SHANK2: variants seen among roughly 807,000 people sequenced by gnomAD.
SHANK2 encodes SH3 and multiple ankyrin repeat domains protein 2.
In SHANK2, 43 loss-of-function variants were observed where a neutral mutation model predicts 133.7. That is an observed-to-expected ratio of 0.32 (90% CI 0.25 to 0.41). SHANK2 has a LOEUF of 0.41. SHANK2 is among the 10% of genes least tolerant of loss of function. The pLI, the probability that SHANK2 is intolerant of heterozygous loss-of-function variation, is 1.00. For missense variants in SHANK2, 1,994 were observed against 2,235.8 expected, an observed-to-expected ratio of 0.89 and a Z score of 2.18; for synonymous variants, 1,017 against 952.8, an observed-to-expected ratio of 1.07 and a Z score of -1.24.
chr11:70,691,771 G>C (rs1235996993), intron 15 of SHANK2, among the ~76,000 whole-genome samples: 2 of 152,136 alleles, frequency 1.3e-5, no homozygotes, highest in African/African-American at 2.4e-5. Context: ...GCACATGCCT[G>C]TAATTCCAGC....
chr11:70,723,560 C>G (rs1400027646), intron 14 of SHANK2, among the ~76,000 whole-genome samples: 1 of 152,188 alleles, frequency 6.6e-6, no homozygotes, highest in Admixed American at 6.5e-5. Flanking sequence ...CTGAGTGAAG[C>G]CTTGCAGAAG....
At chr11:70,580,421 T>TC (rs2060168887) in intron 17 of SHANK2, among the ~76,000 whole-genome samples, 1 of 152,194 alleles carries the variant, frequency 6.6e-6, no homozygotes, top group Non-Finnish European at 1.5e-5. Context: ...CGTGCCAGCC[T>TC]CCAGAATGCT....
At chr11:70,562,737 G>A (rs547929275) in intron 17 of SHANK2, among the ~76,000 whole-genome samples, 171 of 152,162 alleles carry the variant, frequency 1.1e-3, no homozygotes, top group Non-Finnish European at 2.0e-3. Context: ...TGTTTATATC[G>A]TCTGCATTTA....
At position 70,486,341 on chromosome 11, in the gene SHANK2, T is replaced by C; in HGVS notation, c.3952A>G (p.Thr1318Ala). The C allele has an allele frequency of 6.2e-7, 1 of 1,613,928 alleles. No homozygotes were observed. Among genetic ancestry groups the C allele is most frequent in the Non-Finnish European group, 8.5e-7 (1 of 1,180,010 alleles). ...TTGTCCAGCTTAGTGGCGTCCACGG[T>C]GTGCACCATCAGCAGGCCAGCCGAC... Reference protein sequence around the residue: ...QKSAGLLMVHTVDATKLDNAL... With the variant: ...QKSAGLLMVHAVDATKLDNAL... Residue 1318 changes from threonine (T) to alanine (A), a missense_variant, in exon 25 of 26, where the codon ACC (threonine) becomes GCC (alanine). Physicochemically the swap from Thr to Ala is moderately conservative, Grantham distance 58. This residue lies in a region of SHANK2 where 797 missense variants were observed against 907.4 expected (regional missense o/e 0.88). Coordinates refer to ENST00000601538, the MANE Select transcript of SHANK2 (RefSeq NM_012309.5). The surrounding 1 kb of genome is among the most constrained non-coding windows in gnomAD (Gnocchi z 8.0).
At chr11:70,861,615 T>G (rs1419216525) in intron 11 of SHANK2, among the ~76,000 whole-genome samples, 2 of 152,228 alleles carry the variant, frequency 1.3e-5, no homozygotes, top group Non-Finnish European at 2.9e-5. Context: ...TGCACTGAGT[T>G]GGCCTCCTCT....
At chr11:70,907,465 C>A (rs1332295638) in intron 10 of SHANK2, among the ~76,000 whole-genome samples, 1 of 152,196 alleles carries the variant, frequency 6.6e-6, no homozygotes, top group Non-Finnish European at 1.5e-5. Context: ...ACAACCTCCC[C>A]CCTTCTCAGG....
At chr11:70,874,814 G>A in intron 11 of SHANK2, among the ~76,000 whole-genome samples, 1 of 151,452 alleles carries the variant, frequency 6.6e-6, no homozygotes, top group Non-Finnish European at 1.5e-5. Context: ...TGTCTTTATA[G>A]TTACTGTGCC....
chr11:70,720,127 G>A (rs1478451665), intron 14 of SHANK2, among the ~76,000 whole-genome samples: 2 of 152,198 alleles, frequency 1.3e-5, no homozygotes, highest in African/African-American at 4.8e-5. Flanking sequence ...CTCCATGAGG[G>A]CAGGGTCCAC....
At chr11:71,208,480 G>A (rs950267244) in intron 2 of SHANK2, among the ~76,000 whole-genome samples, 7 of 152,068 alleles carry the variant, frequency 4.6e-5, no homozygotes, top group African/African-American at 1.7e-4. Context: ...GGGACATTAC[G>A]TTGCCAGGAC....
At chr11:70,950,284 C>G (rs1173516980) in intron 10 of SHANK2, among the ~76,000 whole-genome samples, 2 of 151,746 alleles carry the variant, frequency 1.3e-5, no homozygotes, top group African/African-American at 4.8e-5. Context: ...TCAAGTGATT[C>G]TCCTGCCTCA....
intron 15 of SHANK2, among the ~76,000 whole-genome samples, chr11:70,679,078 C>T (rs531403301): frequency 2.0e-4 from 31 of 152,304 alleles, no homozygotes; most frequent in African/African-American, 5.8e-4. Flanking sequence ...TAACAGGTGA[C>T]GGCACGGGGT....
At chr11:71,111,148 T>A (rs930676976) in intron 5 of SHANK2, among the ~76,000 whole-genome samples, 2 of 152,194 alleles carry the variant, frequency 1.3e-5, no homozygotes, top group Non-Finnish European at 2.9e-5. Context: ...AAAAGCAGCG[T>A]AAATGGCCTC....
In SHANK2 at chr11:71,252,524, C is replaced by A. The variant is rs1948203048; in HGVS notation, c.-212G>T. On this transcript the variant is annotated 5_prime_UTR_variant, in exon 1 of 26. Coordinates refer to ENST00000601538, the MANE Select transcript of SHANK2 (RefSeq NM_012309.5). The surrounding 1 kb of genome is among the most constrained non-coding windows in gnomAD (Gnocchi z 6.3). Reference sequence around the variant, plus strand: ...GGAACCCGAGCGGCGCCGCGCCCAGCCCCGCCGGAGCTCAGGAGCCGCCGC... The same window carrying A: ...GGAACCCGAGCGGCGCCGCGCCCAGACCCGCCGGAGCTCAGGAGCCGCCGC... 1 of 151,054 alleles carries A rather than the reference C, an allele frequency of 6.6e-6. No homozygotes were observed. The allele number at this position is 151,054 out of a possible 1,614,324, so 9.4% of individuals were successfully genotyped here.
intron 11 of SHANK2, among the ~76,000 whole-genome samples, chr11:70,852,210 C>T (rs181393695): frequency 6.6e-6 from 1 of 152,328 alleles, no homozygotes; most frequent in Non-Finnish European, 1.5e-5. Flanking sequence ...CTGCTGTTTC[C>T]AAAGCATTTG....
intron 17 of SHANK2, among the ~76,000 whole-genome samples, chr11:70,503,232 A>C (rs1405887626): frequency 6.6e-6 from 1 of 152,076 alleles, no homozygotes; most frequent in Non-Finnish European, 1.5e-5. Context: ...ATTTCTATTT[A>C]ACCTGAGCAT....
chr11:71,161,457 A>G (rs34041872), intron 2 of SHANK2, among the ~76,000 whole-genome samples: 2 of 152,134 alleles, frequency 1.3e-5, no homozygotes, highest in Non-Finnish European at 2.9e-5. Flanking sequence ...ATCTTTTTAG[A>G]TCTGTTAAGA....
At chr11:70,574,850 A>T (rs1182882833) in intron 17 of SHANK2, among the ~76,000 whole-genome samples, 1 of 152,162 alleles carries the variant, frequency 6.6e-6, no homozygotes, top group Non-Finnish European at 1.5e-5. Flanking sequence ...CAGCCTTACA[A>T]AACTCTGACC....
intron 14 of SHANK2, among the ~76,000 whole-genome samples, chr11:70,709,589 T>C (rs1236967670): frequency 2.6e-5 from 4 of 152,298 alleles, no homozygotes; most frequent in African/African-American, 9.6e-5. Context: ...GGGTAAATGC[T>C]CAGGACAAGC....
chr11:70,502,018 G>A (rs2059061362), intron 19 of SHANK2, 87 bp from the exon 20 acceptor site: 1 of 1,452,714 alleles, frequency 6.9e-7, no homozygotes, highest in Non-Finnish European at 9.5e-7. Context: ...CGCCCCGCGA[G>A]GCTCCGAGGG....
Sources: allele counts gnomAD v4.1 joint callset (sites outside exome capture counted in the v4.1 genomes callset), GRCh38; gene constraint gnomAD v4.1.1; regional missense constraint gnomAD v4.1.1; non-coding constraint Gnocchi (gnomAD v3.1); transcripts MANE v1.5; gene names NCBI Gene and HGNC (gene_info 2026-07-23, HGNC 2026-07-21).